The following DDAH1 variants were observed in gnomAD, a reference collection of about 807,000 sequenced individuals.
DDAH1 encodes N(G),N(G)-dimethylarginine dimethylaminohydrolase 1.
Under a neutral mutation model 28.8 loss-of-function variants are expected in DDAH1, and 19 were observed. The ratio of observed to expected loss-of-function variants is 0.66; its 90% CI spans 0.46 to 0.97. DDAH1 has a LOEUF of 0.97. DDAH1 is among the 50% of genes least tolerant of loss of function. The pLI is 0.00. For synonymous variants in DDAH1, 153 were observed against 154.4 expected, an observed-to-expected ratio of 0.99 and a Z score of 0.07; for missense variants, 326 against 375.9, an observed-to-expected ratio of 0.87 and a Z score of 1.10.
chr1:85,368,850 T>C (rs1050298502), intron 1 of DDAH1, among the ~76,000 whole-genome samples: 4 of 152,180 alleles, frequency 2.6e-5, no homozygotes, highest in Admixed American at 2.6e-4. Context: ...TTCATAATTT[T>C]CTGTGAATTC....
chr1:85,546,429 C>A (rs1423116889), intron 1 of DDAH1, among the ~76,000 whole-genome samples: 1 of 152,146 alleles, frequency 6.6e-6, no homozygotes, highest in Non-Finnish European at 1.5e-5. Flanking sequence ...TAGTAAATTT[C>A]TGTTCATTAT....
Position 85,504,726 on chromosome 1 carries a change from C to T in DDAH1, c.-122-8445G>A, listed in dbSNP as rs574761315. ...ATGGTGACTTGCCCACTGTTACATA[C>T]GCTAAAAAGCATGAGAACCCATCCT... On this transcript the variant is annotated intron_variant, in intron 1 of 6. Coordinates refer to the DDAH1 transcript ENST00000426972. Among the ~76,000 whole-genome samples, 6 of 152,194 alleles carry T rather than the reference C, an allele frequency of 3.9e-5. No homozygotes were observed. In the South Asian group the frequency reaches 6.2e-4, roughly 16 times the overall value.
chr1:85,538,018 C>T (rs1267343691), intron 1 of DDAH1, among the ~76,000 whole-genome samples: 1 of 152,132 alleles, frequency 6.6e-6, no homozygotes, highest in Non-Finnish European at 1.5e-5. Context: ...GTAGACATCA[C>T]AATCCTCATC....
intron 2 of DDAH1, among the ~76,000 whole-genome samples, chr1:85,475,746 T>C (rs555908798): frequency 1.3e-5 from 2 of 152,124 alleles, no homozygotes; most frequent in South Asian, 2.1e-4. Flanking sequence ...GGAGTGGGAG[T>C]AGAGGTTCCA....
At chr1:85,573,915 T>C (rs1570687596) in intron 1 of DDAH1, among the ~76,000 whole-genome samples, 1 of 152,324 alleles carries the variant, frequency 6.6e-6, no homozygotes, top group East Asian at 1.9e-4. Flanking sequence ...AGTTATAGAA[T>C]GCTGGAGCAA....
chr1:85,323,108 T>C (rs1661420648), intron 5 of DDAH1, among the ~76,000 whole-genome samples: 1 of 152,238 alleles, frequency 6.6e-6, no homozygotes, highest in African/African-American at 2.4e-5. Context: ...AAATTATCTA[T>C]GTATTCCCTC....
intron 1 of DDAH1, among the ~76,000 whole-genome samples, chr1:85,400,209 G>C (rs1343741386): frequency 0.066 from 445 of 6,752 alleles, 22 homozygotes; most frequent in African/African-American, 0.12. Context: ...TTTTTTTTTT[G>C]AGACGGAGTC....
chr1:85,468,540 G>A (rs1655468930), upstream of DDAH1, among the ~76,000 whole-genome samples: 1 of 138,992 alleles, frequency 7.2e-6, no homozygotes, highest in African/African-American at 2.7e-5. Context: ...TTTTTTTTGA[G>A]ACGGAGTCTC....
intron 1 of DDAH1, among the ~76,000 whole-genome samples, chr1:85,532,822 T>C (rs868528599): frequency 2.6e-5 from 4 of 152,260 alleles, no homozygotes; most frequent in Non-Finnish European, 5.9e-5. Flanking sequence ...AGAAAGTATA[T>C]GACATCTACC....
intron 5 of DDAH1, among the ~76,000 whole-genome samples, chr1:85,322,958 A>G (rs1393885056): frequency 6.6e-6 from 1 of 152,166 alleles, no homozygotes; most frequent in Non-Finnish European, 1.5e-5. Context: ...GTGGGGGTCC[A>G]GGAACTTGCA....
upstream of DDAH1, among the ~76,000 whole-genome samples, chr1:85,465,716 A>G (rs1466741372): frequency 6.6e-6 from 1 of 152,144 alleles, no homozygotes; most frequent in Non-Finnish European, 1.5e-5. Context: ...CAGCATTTGC[A>G]TATCTGAAAA....
At chr1:85,518,514 A>T (rs1469487122) in intron 1 of DDAH1, among the ~76,000 whole-genome samples, 2 of 152,088 alleles carry the variant, frequency 1.3e-5, no homozygotes, top group African/African-American at 4.8e-5. Context: ...GTCCCTGCAC[A>T]TAAATGTCGA....
At chr1:85,422,727 G>A (rs1653202559) in intron 1 of DDAH1, among the ~76,000 whole-genome samples, 1 of 152,166 alleles carries the variant, frequency 6.6e-6, no homozygotes, top group Non-Finnish European at 1.5e-5. Flanking sequence ...CCAGTGTGGT[G>A]ATATTTAGAA....
chr1:85,413,810 A>C (rs1160368407), intron 1 of DDAH1, among the ~76,000 whole-genome samples: 1 of 152,242 alleles, frequency 6.6e-6, no homozygotes, highest in African/African-American at 2.4e-5. Context: ...CATCTTTTCC[A>C]ACATACTTCA....
At chr1:85,417,154 T>C (rs934252544) in intron 1 of DDAH1, among the ~76,000 whole-genome samples, 1 of 152,236 alleles carries the variant, frequency 6.6e-6, no homozygotes, top group Non-Finnish European at 1.5e-5. Context: ...GTGAAGGGAC[T>C]CTGCTGGCAC....
chr1:85,322,649 A>G (rs1661401965), intron 5 of DDAH1, among the ~76,000 whole-genome samples: 1 of 152,182 alleles, frequency 6.6e-6, no homozygotes, highest in South Asian at 2.1e-4. Flanking sequence ...GCCTCGGTTT[A>G]CTTCTCTGTA....
At chr1:85,481,835 C>T (rs953446999) in intron 2 of DDAH1, among the ~76,000 whole-genome samples, 10 of 152,358 alleles carry the variant, frequency 6.6e-5, no homozygotes, top group African/African-American at 2.4e-4. Context: ...AGCTTATTGA[C>T]TCTTCTCTCC....
intron 1 of DDAH1, among the ~76,000 whole-genome samples, chr1:85,531,304 A>G (rs1158134030): frequency 2.6e-5 from 4 of 151,898 alleles, no homozygotes; most frequent in Non-Finnish European, 1.5e-5. Flanking sequence ...ACAGAGGTCC[A>G]TTTCTACTCT....
intron 1 of DDAH1, among the ~76,000 whole-genome samples, chr1:85,446,811 C>T (rs1654448160): frequency 6.6e-6 from 1 of 152,076 alleles, no homozygotes. Context: ...CCAGTTAGTT[C>T]CTCCTCCTTT....
Sources: allele counts gnomAD v4.1 joint callset (sites outside exome capture counted in the v4.1 genomes callset), GRCh38; gene constraint gnomAD v4.1.1; transcripts MANE v1.5; gene names NCBI Gene and HGNC (gene_info 2026-07-23, HGNC 2026-07-21).